CACNA2D3: variants seen among roughly 807,000 people sequenced by gnomAD.
The protein encoded by CACNA2D3 is voltage-dependent calcium channel subunit alpha-2/delta-3.
A neutral mutation model predicts 160.6 loss-of-function variants in CACNA2D3; 60 were observed. The ratio of observed to expected loss-of-function variants is 0.37; its 90% CI spans 0.30 to 0.46. The LOEUF (loss-of-function observed/expected upper bound fraction) is 0.46. Among genes scored for constraint, CACNA2D3 ranks in the 20% least tolerant of loss-of-function variants. CACNA2D3 has a pLI of 1.00. For synonymous variants in CACNA2D3, 558 were observed against 492.9 expected (o/e 1.13, Z -1.75); for missense variants, 1,205 against 1,365.0 (o/e 0.88, Z 1.85).
chr3:54,624,749 G>A (rs1699059733), intron 9 of CACNA2D3, among the ~76,000 whole-genome samples: 1 of 152,266 alleles, frequency 6.6e-6, no homozygotes. Flanking sequence ...ACAGCTTTGT[G>A]AATCTAGGGC....
At chr3:54,910,258 C>T (rs540924156) in intron 27 of CACNA2D3, among the ~76,000 whole-genome samples, 1 of 152,276 alleles carries the variant, frequency 6.6e-6, no homozygotes, top group African/African-American at 2.4e-5. Context: ...ACCATTCTTC[C>T]ACCAACTTCC....
chr3:54,818,130 A>G (rs1193835147), intron 14 of CACNA2D3, among the ~76,000 whole-genome samples: 3 of 152,230 alleles, frequency 2.0e-5, no homozygotes, highest in African/African-American at 7.2e-5. Flanking sequence ...ATCCATATAC[A>G]AAGTATTCCT....
intron 8 of CACNA2D3, among the ~76,000 whole-genome samples, chr3:54,580,596 G>C: frequency 6.6e-6 from 1 of 152,236 alleles, no homozygotes; most frequent in Non-Finnish European, 1.5e-5. Flanking sequence ...ATACCATAAC[G>C]CTGTCATCAA....
intron 4 of CACNA2D3, among the ~76,000 whole-genome samples, chr3:54,494,691 A>T (rs551499248): frequency 6.6e-6 from 1 of 152,290 alleles, no homozygotes; most frequent in East Asian, 1.9e-4. Context: ...CACTGCTATA[A>T]AGAATACCTG....
intron 14 of CACNA2D3, among the ~76,000 whole-genome samples, chr3:54,832,025 A>G (rs1218576565): frequency 2.7e-5 from 4 of 146,774 alleles, no homozygotes; most frequent in African/African-American, 1.0e-4. Context: ...ACACACACAC[A>G]CACACACACA....
intron 4 of CACNA2D3, among the ~76,000 whole-genome samples, chr3:54,410,101 A>G (rs973679515): frequency 4.6e-5 from 7 of 152,160 alleles, no homozygotes; most frequent in Non-Finnish European, 1.0e-4. Flanking sequence ...CTGTAATCCT[A>G]GCACTTTGGG....
intron 13 of CACNA2D3, among the ~76,000 whole-genome samples, chr3:54,798,358 C>T (rs145735033): frequency 0.03 from 4,550 of 152,046 alleles, 234 homozygotes; most frequent in African/African-American, 0.1. Flanking sequence ...CATGGTGAAA[C>T]CCCATCTGTA....
At chr3:54,759,802 T>C (rs1575461299) in intron 12 of CACNA2D3, among the ~76,000 whole-genome samples, 1 of 152,280 alleles carries the variant, frequency 6.6e-6, no homozygotes, top group Middle Eastern at 3.4e-3. Flanking sequence ...TCTGAGCTGC[T>C]CTCCTGTCCC....
intron 11 of CACNA2D3, among the ~76,000 whole-genome samples, chr3:54,745,346 G>A (rs1701735207): frequency 6.6e-6 from 1 of 152,208 alleles, no homozygotes; most frequent in East Asian, 1.9e-4. Flanking sequence ...ATGACCTCGA[G>A]TGTGAGAGCC....
At chr3:54,270,833 T>G (rs1483025975) in intron 2 of CACNA2D3, among the ~76,000 whole-genome samples, 2 of 152,192 alleles carry the variant, frequency 1.3e-5, no homozygotes, top group South Asian at 4.2e-4. Flanking sequence ...CTGCCCTCAT[T>G]CCTTTTGACA....
intron 35 of CACNA2D3, among the ~76,000 whole-genome samples, chr3:55,030,361 T>A (rs1399486168): frequency 1.3e-5 from 2 of 152,198 alleles, no homozygotes; most frequent in Non-Finnish European, 2.9e-5. Context: ...TGTCATATAA[T>A]GTTGAGGCTG....
intron 35 of CACNA2D3, among the ~76,000 whole-genome samples, chr3:55,050,473 G>T (rs891915485): frequency 1.3e-5 from 2 of 151,202 alleles, no homozygotes; most frequent in African/African-American, 2.4e-5. Context: ...CGAGAGATCC[G>T]CTGTTAGTCT....
At chr3:54,578,286 A>G (rs2106734114) in intron 8 of CACNA2D3, among the ~76,000 whole-genome samples, 1 of 152,356 alleles carries the variant, frequency 6.6e-6, no homozygotes, top group East Asian at 1.9e-4. Flanking sequence ...GGGATCAAGG[A>G]GAGCCATTTA....
intron 13 of CACNA2D3, among the ~76,000 whole-genome samples, chr3:54,809,150 G>A (rs551165493): frequency 2.0e-5 from 3 of 151,892 alleles, no homozygotes; most frequent in Non-Finnish European, 4.4e-5. Context: ...GGTCTACCAA[G>A]CTCCAAGGCC....
chr3:54,371,985 A>G (rs1372072567), intron 3 of CACNA2D3, among the ~76,000 whole-genome samples: 1 of 152,190 alleles, frequency 6.6e-6, no homozygotes, highest in Non-Finnish European at 1.5e-5. Context: ...GCTGGCCCAG[A>G]CCTCTCTGTG....
chr3:54,254,476 A>G (rs4928024), intron 2 of CACNA2D3, among the ~76,000 whole-genome samples: 138,942 of 152,222 alleles, frequency 0.91, 63,688 homozygotes, highest in African/African-American at 0.98. Context: ...GCAATCTTCC[A>G]GTAGCTTCTT....
intron 13 of CACNA2D3, among the ~76,000 whole-genome samples, chr3:54,811,664 A>AT (rs370835670): frequency 9.3e-5 from 14 of 150,762 alleles, no homozygotes; most frequent in African/African-American, 2.2e-4. Flanking sequence ...TGCCCAGCTA[A>AT]TTTTTTTTGT....
At chr3:54,983,925 G>A (rs1575421639) in intron 29 of CACNA2D3, among the ~76,000 whole-genome samples, 1 of 152,190 alleles carries the variant, frequency 6.6e-6, no homozygotes, top group East Asian at 1.9e-4. Context: ...TGAGATTAAA[G>A]TAGTGTGGGG....
intron 4 of CACNA2D3, among the ~76,000 whole-genome samples, chr3:54,467,150 G>C (rs567906434): frequency 2.6e-5 from 4 of 152,114 alleles, no homozygotes; most frequent in Non-Finnish European, 4.4e-5. Context: ...ACATCATTGC[G>C]TCAGATGATT....
Sources: allele counts gnomAD v4.1 joint callset (sites outside exome capture counted in the v4.1 genomes callset), GRCh38; gene constraint gnomAD v4.1.1; transcripts MANE v1.5; gene names NCBI Gene and HGNC (gene_info 2026-07-23, HGNC 2026-07-21).